Variants in PGM5 observed in about 807,000 individuals in gnomAD.
The protein encoded by PGM5 is phosphoglucomutase 5, also known as phosphoglucomutase-like protein 5.
A neutral mutation model predicts 59.2 loss-of-function variants in PGM5; 23 were observed. The observed-to-expected ratio is 0.39, with a 90% confidence interval of 0.28 to 0.55. PGM5 has a LOEUF of 0.55. Ranked by LOEUF, PGM5 falls within the 20% of genes least tolerant of loss-of-function variation. The pLI is 0.66. For synonymous variants in PGM5, 214 were observed against 286.0 expected, an observed-to-expected ratio of 0.75 and a Z score of 2.54; for missense variants, 574 against 748.3, an observed-to-expected ratio of 0.77 and a Z score of 2.72.
intron 1 of PGM5, among the ~76,000 whole-genome samples, chr9:68,363,058 C>T (rs1276013184): frequency 2.6e-5 from 4 of 151,294 alleles, no homozygotes; most frequent in South Asian, 2.1e-4. Context: ...TTACTAGAGA[C>T]GGGGTTTCAC....
At chr9:68,520,564 C>G (rs1168125032) in intron 10 of PGM5, among the ~76,000 whole-genome samples, 1 of 152,018 alleles carries the variant, frequency 6.6e-6, no homozygotes, top group Non-Finnish European at 1.5e-5. Context: ...CCACAGGGGA[C>G]ACGTATAAAA....
At chr9:68,439,821 C>T (rs1554683577) in intron 6 of PGM5, among the ~76,000 whole-genome samples, 1 of 151,648 alleles carries the variant, frequency 6.6e-6, no homozygotes, top group Non-Finnish European at 1.5e-5. Context: ...CCCAGGGAAG[C>T]TGAAAATTAT....
intron 1 of PGM5, among the ~76,000 whole-genome samples, chr9:68,365,638 G>A (rs1834664982): frequency 6.6e-6 from 1 of 152,160 alleles, no homozygotes; most frequent in South Asian, 2.1e-4. Flanking sequence ...AGTCGTAGAA[G>A]CATTTGACTT....
intron 10 of PGM5, among the ~76,000 whole-genome samples, chr9:68,506,266 A>G (rs1824653250): frequency 6.6e-6 from 1 of 152,228 alleles, no homozygotes; most frequent in East Asian, 1.9e-4. Flanking sequence ...ACAGGCAGCC[A>G]CTTTTTCAAA....
chr9:68,485,679 C>G (rs1824283448), intron 9 of PGM5, among the ~76,000 whole-genome samples: 1 of 152,202 alleles, frequency 6.6e-6, no homozygotes, highest in South Asian at 2.1e-4. Flanking sequence ...CTCTTCTACA[C>G]TCTTCTGTCT....
intron 6 of PGM5, among the ~76,000 whole-genome samples, chr9:68,405,568 T>G (rs1361901568): frequency 1.3e-5 from 2 of 152,306 alleles, no homozygotes; most frequent in Non-Finnish European, 2.9e-5. Flanking sequence ...CCATCTGTCC[T>G]TCTTTCTCAT....
chr9:68,389,828 C>T (rs1165271081), intron 4 of PGM5, among the ~76,000 whole-genome samples: 26 of 152,072 alleles, frequency 1.7e-4, no homozygotes, highest in Non-Finnish European at 3.1e-4. Context: ...AAATCATTTT[C>T]CAAAATGCCT....
chr9:68,445,284 G>GA (rs1252708709), intron 6 of PGM5, among the ~76,000 whole-genome samples: 7 of 152,118 alleles, frequency 4.6e-5, no homozygotes, highest in Admixed American at 3.9e-4. Flanking sequence ...TTTCTGAACA[G>GA]AACCCAAGAG....
intron 6 of PGM5, 92 bp downstream of exon 6, chr9:68,392,565 C>T (rs1161483649): frequency 6.4e-7 from 1 of 1,559,416 alleles, no homozygotes; most frequent in Non-Finnish European, 8.7e-7. Context: ...CTCCCCTGCT[C>T]CATTTGGGAA....
chr9:68,457,491 C>T (rs1284383581), intron 6 of PGM5, among the ~76,000 whole-genome samples: 4 of 152,182 alleles, frequency 2.6e-5, no homozygotes, highest in Non-Finnish European at 5.9e-5. Flanking sequence ...CTTCTCTGTT[C>T]TTTCTTCTTC....
intron 1 of PGM5, among the ~76,000 whole-genome samples, chr9:68,362,988 C>A (rs2131973203): frequency 6.6e-6 from 1 of 151,166 alleles, no homozygotes; most frequent in East Asian, 1.9e-4. Context: ...CCCAACTCAG[C>A]CTCCTGAGTA....
At chr9:68,418,032 T>G (rs2132044947) in intron 6 of PGM5, among the ~76,000 whole-genome samples, 1 of 152,324 alleles carries the variant, frequency 6.6e-6, no homozygotes, top group South Asian at 2.1e-4. Flanking sequence ...TTGATCTCTC[T>G]CTTGTTTTGC....
intron 10 of PGM5, among the ~76,000 whole-genome samples, chr9:68,524,275 T>C (rs1824938371): frequency 6.6e-6 from 1 of 152,138 alleles, no homozygotes; most frequent in South Asian, 2.1e-4. Flanking sequence ...ATGATAAACA[T>C]AGTGTCAAAA....
chr9:68,476,182 C>G (rs1199098384), intron 7 of PGM5, among the ~76,000 whole-genome samples: 2 of 152,200 alleles, frequency 1.3e-5, no homozygotes, highest in Non-Finnish European at 2.9e-5. Flanking sequence ...CTTCCCCCGT[C>G]AAACCTTTGC....
At chr9:68,430,532 A>G (rs1823327163) in intron 6 of PGM5, among the ~76,000 whole-genome samples, 1 of 152,234 alleles carries the variant, frequency 6.6e-6, no homozygotes, top group Non-Finnish European at 1.5e-5. Context: ...CTGACTTTCA[A>G]ATTTTCCTCT....
chr9:68,509,846 G>A (rs1824718586), intron 10 of PGM5, among the ~76,000 whole-genome samples: 1 of 152,122 alleles, frequency 6.6e-6, no homozygotes, highest in Non-Finnish European at 1.5e-5. Flanking sequence ...GCCCTGTGAG[G>A]GTCTGAGAAA....
chr9:68,364,330 T>C (rs1554676506), intron 1 of PGM5, among the ~76,000 whole-genome samples: 1 of 152,202 alleles, frequency 6.6e-6, no homozygotes, highest in Non-Finnish European at 1.5e-5. Flanking sequence ...TTGCATTTAC[T>C]AGAACTATCT....
Position 68,473,397 on chromosome 9 carries a change from A to G in PGM5, c.1160-6021A>G, listed in dbSNP as rs138500458. Among the ~76,000 whole-genome samples the G allele has an allele frequency of 8.3e-3, 1,265 of 152,342 alleles. 11 individuals carry two copies. Among genetic ancestry groups the G allele is most frequent in the African/African-American group, 0.029 (1,221 of 41,574 alleles). On this transcript the variant is annotated intron_variant, in intron 7 of 10. Coordinates refer to ENST00000396396, the MANE Select transcript of PGM5 (RefSeq NM_021965.4). ...CTTTCTTGCAACTCCTGAGGGCCAC[A>G]GCATTGCTGGGATAATCCAGTGGCA...
At chr9:68,525,030 CT>C (rs892347155) in intron 10 of PGM5, among the ~76,000 whole-genome samples, 1 of 152,190 alleles carries the variant, frequency 6.6e-6, no homozygotes, top group Non-Finnish European at 1.5e-5. Context: ...CATAACCCCT[CT>C]TTTTGCTCCT....
Sources: allele counts gnomAD v4.1 joint callset (sites outside exome capture counted in the v4.1 genomes callset), GRCh38; gene constraint gnomAD v4.1.1; transcripts MANE v1.5; gene names NCBI Gene and HGNC (gene_info 2026-07-23, HGNC 2026-07-21).